ZSWIM6: variants seen among roughly 807,000 people sequenced by gnomAD.
ZSWIM6 encodes zinc finger SWIM domain-containing protein 6.
ZSWIM6 carries 9 observed loss-of-function variants against 113.2 expected under a neutral mutation model. The ratio of observed to expected loss-of-function variants is 0.08; its 90% CI spans 0.05 to 0.14. The LOEUF is 0.14. Among genes scored for constraint, ZSWIM6 ranks in the 10% least tolerant of loss-of-function variants. The probability of loss-of-function intolerance (pLI) is 1.00; values close to 1 mark genes in which losing one functional copy is unlikely to be tolerated. For synonymous variants in ZSWIM6, 611 were observed against 606.5 expected (o/e 1.01, Z -0.11); for missense variants, 1,162 against 1,552.2 (o/e 0.75, Z 4.22).
chr5:61,434,496 C>A (rs1746660712), intron 1 of ZSWIM6, among the ~76,000 whole-genome samples: 1 of 151,086 alleles, frequency 6.6e-6, no homozygotes, highest in Non-Finnish European at 1.5e-5. Flanking sequence ...CATTCTTATG[C>A]CTTCGCATCC....
At chr5:61,346,440 G>C (rs550817424) in intron 1 of ZSWIM6, among the ~76,000 whole-genome samples, 1 of 152,294 alleles carries the variant, frequency 6.6e-6, no homozygotes, top group South Asian at 2.1e-4. Flanking sequence ...GAGATAGATT[G>C]TCAGCTGACC....
chr5:61,506,628 G>C (rs1459409344), intron 4 of ZSWIM6, among the ~76,000 whole-genome samples: 1 of 151,978 alleles, frequency 6.6e-6, no homozygotes, highest in Admixed American at 6.6e-5. Context: ...GACATATTAA[G>C]ACAGCATTGT....
At chr5:61,341,991 T>G (rs979060302) in intron 1 of ZSWIM6, among the ~76,000 whole-genome samples, 7 of 151,720 alleles carry the variant, frequency 4.6e-5, no homozygotes, top group Non-Finnish European at 1.0e-4. Flanking sequence ...GCGATTCTCT[T>G]GCCTCAGCCT....
At chr5:61,455,988 G>A (rs1259310852) in intron 1 of ZSWIM6, among the ~76,000 whole-genome samples, 1 of 152,082 alleles carries the variant, frequency 6.6e-6, no homozygotes, top group Admixed American at 6.6e-5. Context: ...ATCGAGAGGT[G>A]AAGTTTTTGC....
At chr5:61,461,416 C>T (rs959979674) in intron 1 of ZSWIM6, among the ~76,000 whole-genome samples, 1 of 152,114 alleles carries the variant, frequency 6.6e-6, no homozygotes, top group Non-Finnish European at 1.5e-5. Flanking sequence ...AATAACTTGC[C>T]AGTGGGGCTA....
chr5:61,452,075 C>A (rs958532478), intron 1 of ZSWIM6, among the ~76,000 whole-genome samples: 1 of 152,108 alleles, frequency 6.6e-6, no homozygotes, highest in Admixed American at 6.6e-5. Flanking sequence ...ACCTTTACTT[C>A]ATTTCCCATT....
intron 1 of ZSWIM6, among the ~76,000 whole-genome samples, chr5:61,373,914 A>G (rs765408307): frequency 6.6e-6 from 1 of 152,214 alleles, no homozygotes; most frequent in Non-Finnish European, 1.5e-5. Context: ...TTTAATGTAT[A>G]TTCATAATTA....
Position 61,472,667 on chromosome 5 carries a change from C to T in ZSWIM6, c.677-14C>T. 1.3e-6 allele frequency: 2 copies of T among 1,483,686 alleles called. No homozygotes were observed. 91.9% of individuals were successfully genotyped at this position (1,483,686 alleles called of 1,614,324 possible). A position where few individuals can be genotyped will look rare whatever the true frequency, so the allele number is the denominator to read the frequency against. On this transcript the variant is annotated splice_polypyrimidine_tract_variant and intron_variant, in intron 1 of 13. Coordinates refer to ENST00000252744, the MANE Select transcript of ZSWIM6 (RefSeq NM_020928.2). This position sits in a 1 kb window ranked among gnomAD's most constrained non-coding sequence, Gnocchi z 4.1. ...CAGAAGCTAAACCCTCCCTTTCTTTCTTTCACCCTCAAGGTTTCCACTTGA... is the reference window on the plus strand; with the variant it reads ...CAGAAGCTAAACCCTCCCTTTCTTTTTTTCACCCTCAAGGTTTCCACTTGA...
chr5:61,334,329 T>C (rs1405802966), intron 1 of ZSWIM6, among the ~76,000 whole-genome samples: 1 of 152,204 alleles, frequency 6.6e-6, no homozygotes, highest in East Asian at 1.9e-4. Flanking sequence ...CCCATTTTTT[T>C]CTCCTGATTG....
At chr5:61,518,893 G>A (rs1316697974) in intron 4 of ZSWIM6, among the ~76,000 whole-genome samples, 1 of 151,976 alleles carries the variant, frequency 6.6e-6, no homozygotes, top group African/African-American at 2.4e-5. Context: ...TAATGCCTAG[G>A]TTTTCTTCTA....
chr5:61,335,738 G>GTCT (rs1744377785), intron 1 of ZSWIM6, among the ~76,000 whole-genome samples: 1 of 152,186 alleles, frequency 6.6e-6, no homozygotes, highest in African/African-American at 2.4e-5. Context: ...CTAGTTGTTG[G>GTCT]ACTTTATTTT....
chr5:61,418,141 T>C (rs1187300745), intron 1 of ZSWIM6, among the ~76,000 whole-genome samples: 1 of 152,158 alleles, frequency 6.6e-6, no homozygotes, highest in East Asian at 1.9e-4. Context: ...TAGATTATGC[T>C]AAAGGAATGG....
At chr5:61,394,870 G>A (rs1490789343) in intron 1 of ZSWIM6, among the ~76,000 whole-genome samples, 1 of 152,168 alleles carries the variant, frequency 6.6e-6, no homozygotes, top group Non-Finnish European at 1.5e-5. Context: ...AGTGTTAGAA[G>A]AGGGTAGTGC....
At chr5:61,391,596 G>A (rs751306307) in intron 1 of ZSWIM6, 18 of 911,170 alleles carry the variant, frequency 2.0e-5, no homozygotes, top group East Asian at 1.9e-4. Flanking sequence ...GGGTTTCCAC[G>A]AAGCCCACAA....
intron 1 of ZSWIM6, among the ~76,000 whole-genome samples, chr5:61,452,113 G>A (rs1012330499): frequency 6.6e-6 from 1 of 152,024 alleles, no homozygotes; most frequent in Non-Finnish European, 1.5e-5. Flanking sequence ...ATTATCCTGA[G>A]CTTTGAGTCA....
At chr5:61,336,088 C>T (rs1744386438) in intron 1 of ZSWIM6, among the ~76,000 whole-genome samples, 1 of 151,992 alleles carries the variant, frequency 6.6e-6, no homozygotes. Flanking sequence ...CATGGTTAAA[C>T]CCTGTCCCTA....
chr5:61,471,679 G>A (rs765433050), intron 1 of ZSWIM6, among the ~76,000 whole-genome samples: 1 of 152,210 alleles, frequency 6.6e-6, no homozygotes, highest in Non-Finnish European at 1.5e-5. Flanking sequence ...GCATGTGAGG[G>A]ATCTAGGTTG....
chr5:61,466,766 T>C (rs1747445473), intron 1 of ZSWIM6, among the ~76,000 whole-genome samples: 2 of 152,152 alleles, frequency 1.3e-5, no homozygotes, highest in South Asian at 4.1e-4. Context: ...TTAGAAATTG[T>C]GTATTTTAAA....
chr5:61,500,955 C>T (rs1402454251), intron 4 of ZSWIM6, among the ~76,000 whole-genome samples: 2 of 152,160 alleles, frequency 1.3e-5, no homozygotes, highest in East Asian at 1.9e-4. Flanking sequence ...CAGACCCCTT[C>T]CTGACATAAG....
Sources: allele counts gnomAD v4.1 joint callset (sites outside exome capture counted in the v4.1 genomes callset), GRCh38; gene constraint gnomAD v4.1.1; non-coding constraint Gnocchi (gnomAD v3.1); transcripts MANE v1.5; gene names NCBI Gene and HGNC (gene_info 2026-07-23, HGNC 2026-07-21).